The following NGEF variants were observed in gnomAD, a reference collection of about 807,000 sequenced individuals.
NGEF encodes ephexin-1.
In NGEF, 31 loss-of-function variants were observed where a neutral mutation model predicts 80.9. The ratio of observed to expected loss-of-function variants is 0.38; its 90% CI spans 0.29 to 0.52. The LOEUF (loss-of-function observed/expected upper bound fraction) is 0.52, where lower values mean the gene tolerates loss of function less well. Ranked by LOEUF, NGEF falls within the 20% of genes least tolerant of loss-of-function variation. The pLI is 0.84. For synonymous variants in NGEF, 371 were observed against 370.2 expected, an observed-to-expected ratio of 1.00 and a Z score of -0.03; for missense variants, 709 against 926.2, an observed-to-expected ratio of 0.77 and a Z score of 3.04.
At chr2:232,996,623 C>A (rs1349850680) in intron 1 of NGEF, among the ~76,000 whole-genome samples, 4 of 152,080 alleles carry the variant, frequency 2.6e-5, no homozygotes, top group Non-Finnish European at 5.9e-5. Context: ...GATGGTTTCA[C>A]ACAAAAAGAC....
chr2:232,942,452 G>A (rs1255678919), intron 3 of NGEF, among the ~76,000 whole-genome samples: 2 of 152,088 alleles, frequency 1.3e-5, no homozygotes, highest in Non-Finnish European at 2.9e-5. Context: ...GGTTCCTCTC[G>A]GTAAATCGAC....
At chr2:233,010,989 G>T (rs993663313) in intron 1 of NGEF, among the ~76,000 whole-genome samples, 2 of 152,114 alleles carry the variant, frequency 1.3e-5, no homozygotes, top group Non-Finnish European at 2.9e-5. Context: ...GAGAAGGGGG[G>T]TCTGAAAAGA....
chr2:232,968,728 C>A (rs1158104397), intron 3 of NGEF, among the ~76,000 whole-genome samples: 1 of 152,224 alleles, frequency 6.6e-6, no homozygotes, highest in East Asian at 1.9e-4. Flanking sequence ...AAATGACACA[C>A]CCACTTCCCA....
chr2:232,971,144 A>G (rs1002367993), intron 2 of NGEF, among the ~76,000 whole-genome samples: 1 of 152,216 alleles, frequency 6.6e-6, no homozygotes, highest in Non-Finnish European at 1.5e-5. Flanking sequence ...GATGAAACAG[A>G]GAATGTCCCA....
intron 3 of NGEF, among the ~76,000 whole-genome samples, chr2:232,957,804 C>T (rs1184504771): frequency 1.3e-5 from 2 of 152,212 alleles, no homozygotes; most frequent in Non-Finnish European, 2.9e-5. Context: ...AGTGTCACAC[C>T]TAGAACCACC....
chr2:232,917,937 C>A (rs1372272949), intron 5 of NGEF, among the ~76,000 whole-genome samples: 2 of 151,976 alleles, frequency 1.3e-5, no homozygotes, highest in African/African-American at 4.8e-5. Flanking sequence ...CTATACCCGG[C>A]TAATTAATTA....
At chr2:232,942,398 C>T (rs777953092) in intron 3 of NGEF, among the ~76,000 whole-genome samples, 8 of 152,150 alleles carry the variant, frequency 5.3e-5, no homozygotes, top group Admixed American at 2.0e-4. Flanking sequence ...TCAGCAGATC[C>T]GGGGGAAGCT....
Position 232,879,436 on chromosome 2 carries a change from C to CCCCCCCCTT in NGEF, c.*52_*53insAAGGGGGGG. On this transcript the variant is annotated 3_prime_UTR_variant, in exon 15 of 15. Coordinates refer to ENST00000264051, the MANE Select transcript of NGEF (RefSeq NM_019850.3). ...CTTCCCAGAGCCCCCCCCCCCCCAC[C>CCCCCCCCTT]TTCTGTCGGGGTCTCATGCAGGCCC... is the stretch of plus-strand genomic sequence containing the variant. 6.8e-7 allele frequency: 1 copy of CCCCCCCCTT among 1,460,014 alleles called. No individual in the cohort carries two copies. Among genetic ancestry groups the CCCCCCCCTT allele is most frequent in the South Asian group, 1.3e-5 (1 of 76,654 alleles). The allele number at this position is 1,460,014 out of a possible 1,614,324, so 90.4% of individuals were successfully genotyped here.
chr2:232,881,273 A>G (rs1182463361), intron 13 of NGEF, 23 bp from the exon 14 acceptor site: 2 of 1,585,776 alleles, frequency 1.3e-6, no homozygotes, highest in East Asian at 4.5e-5. Context: ...AGGCACGGGC[A>G]CATCCCCACC....
intron 1 of NGEF, among the ~76,000 whole-genome samples, chr2:232,996,261 G>A (rs1694843710): frequency 6.6e-6 from 1 of 152,104 alleles, no homozygotes; most frequent in African/African-American, 2.4e-5. Context: ...CCAGGAGGCA[G>A]AGGTTGCAAT....
chr2:232,961,250 A>AT (rs2106314209), intron 3 of NGEF, among the ~76,000 whole-genome samples: 1 of 152,172 alleles, frequency 6.6e-6, no homozygotes, highest in East Asian at 1.9e-4. Flanking sequence ...TCTTATCTCC[A>AT]TTCTCTGCTC....
chr2:232,893,369 G>A (rs1458778826), intron 6 of NGEF, among the ~76,000 whole-genome samples: 1 of 152,226 alleles, frequency 6.6e-6, no homozygotes, highest in African/African-American at 2.4e-5. Context: ...CTGGGGGGTA[G>A]GGACTGGCCC....
intron 3 of NGEF, among the ~76,000 whole-genome samples, chr2:232,931,378 T>A (rs80181300): frequency 6.6e-6 from 1 of 152,260 alleles, no homozygotes; most frequent in Non-Finnish European, 1.5e-5. Flanking sequence ...AGGTAGAAAT[T>A]GGATATTTAG....
At chr2:232,924,024 A>G (rs1083521) in intron 4 of NGEF, among the ~76,000 whole-genome samples, 65,910 of 151,680 alleles carry the variant, frequency 0.43, 14,404 homozygotes, top group Admixed American at 0.46. Context: ...ATCACCTGAG[A>G]TCAGGAGTTT....
intron 1 of NGEF, among the ~76,000 whole-genome samples, chr2:232,998,256 C>T (rs1258346292): frequency 6.6e-6 from 1 of 152,164 alleles, no homozygotes; most frequent in East Asian, 1.9e-4. Flanking sequence ...ACTATTGAAT[C>T]TGAGGCTCAG....
At chr2:232,957,296 G>A (rs1311452108) in intron 3 of NGEF, among the ~76,000 whole-genome samples, 1 of 152,094 alleles carries the variant, frequency 6.6e-6, no homozygotes, top group Non-Finnish European at 1.5e-5. Context: ...GCCTGTTGTT[G>A]CTGTTATTAT....
chr2:232,953,458 A>C (rs538744271), intron 3 of NGEF, among the ~76,000 whole-genome samples: 79 of 151,328 alleles, frequency 5.2e-4, no homozygotes, highest in African/African-American at 1.9e-3. Flanking sequence ...AACATGCTCA[A>C]AAAATAAAAA....
intron 5 of NGEF, among the ~76,000 whole-genome samples, chr2:232,903,890 C>A (rs1692425484): frequency 1.3e-5 from 2 of 152,158 alleles, no homozygotes; most frequent in Admixed American, 6.5e-5. Flanking sequence ...GCACAATTTT[C>A]TTTTGGGAGT....
intron 3 of NGEF, among the ~76,000 whole-genome samples, chr2:232,961,571 C>A (rs1686640099): frequency 2.0e-5 from 3 of 152,156 alleles, no homozygotes; most frequent in Admixed American, 2.0e-4. Context: ...CTGCTCACTG[C>A]AAGCTCCACC....
Sources: gnomAD v4.1 joint callset for allele counts (sites outside exome capture counted in the v4.1 genomes callset) on GRCh38, gnomAD v4.1.1 for gene constraint, MANE v1.5 for transcripts, NCBI Gene and HGNC (gene_info 2026-07-23, HGNC 2026-07-21) for gene names.